The following PDE4D variants were observed in gnomAD, a reference collection of about 807,000 sequenced individuals.
PDE4D encodes the protein phosphodiesterase 4D.
PDE4D carries 24 observed loss-of-function variants against 87.4 expected under a neutral mutation model. The ratio of observed to expected loss-of-function variants is 0.27; its 90% CI spans 0.20 to 0.39. PDE4D has a LOEUF of 0.39. PDE4D is among the 10% of genes least tolerant of loss of function. The pLI is 1.00. For synonymous variants in PDE4D, 384 were observed against 383.2 expected (o/e 1.00, Z -0.02); for missense variants, 714 against 1,041.0 (o/e 0.69, Z 4.32).
At chr5:58,988,009 T>C (rs551747386) in intron 11 of PDE4D, among the ~76,000 whole-genome samples, 14 of 152,226 alleles carry the variant, frequency 9.2e-5, no homozygotes, top group African/African-American at 3.1e-4. Flanking sequence ...AACCAAATGG[T>C]TGAAAAAATA....
intron 1 of PDE4D, among the ~76,000 whole-genome samples, chr5:59,439,357 CAAA>C (rs3061710): frequency 6.9e-5 from 5 of 72,572 alleles, no homozygotes; most frequent in Admixed American, 1.6e-4. Context: ...AAGACTCTGT[CAAA>C]AAAAAAAAAA....
At chr5:59,565,967 T>TG (rs2153693512) in intron 1 of PDE4D, among the ~76,000 whole-genome samples, 1 of 152,268 alleles carries the variant, frequency 6.6e-6, no homozygotes, top group South Asian at 2.1e-4. Flanking sequence ...GGAGTGCTTT[T>TG]GCTAATGCCA....
intron 1 of PDE4D, among the ~76,000 whole-genome samples, chr5:60,316,854 G>C (rs1755657563): frequency 6.6e-6 from 1 of 152,184 alleles, no homozygotes; most frequent in African/African-American, 2.4e-5. Context: ...GATCATGGTG[G>C]ATAAGCTTTT....
intron 1 of PDE4D, among the ~76,000 whole-genome samples, chr5:59,514,121 T>C (rs1268956058): frequency 6.6e-6 from 1 of 151,810 alleles, no homozygotes; most frequent in African/African-American, 2.4e-5. Flanking sequence ...TTTTTTTTTT[T>C]TTGAGACAGA....
chr5:59,215,874 G>T lies in PDE4D; in HGVS notation c.550C>A (p.His184Asn), dbSNP rs1751149721. ...AGGAAGGACTCCCGTCGTTGACTGT[G>T]GACAAAATTTGCTTGGAGAATTAGC... ...SGLILQANFV[H>N]SQRRESFLYR... is the part of the protein sequence containing the mutation. Residue 184 changes from histidine to asparagine, a missense_variant, in exon 2 of 15, where the codon CAC becomes AAC. His to Asn is a moderately conservative substitution (Grantham distance 68, BLOSUM62 1). Coordinates refer to ENST00000340635, the MANE Select transcript of PDE4D (RefSeq NM_001104631.2). 3 of 1,613,576 alleles carry T rather than the reference G, an allele frequency of 1.9e-6. No individual in the cohort carries two copies. In the East Asian group the frequency reaches 6.7e-5, roughly 36 times the overall value.
chr5:59,279,800 T>A (rs72765990), intron 1 of PDE4D, among the ~76,000 whole-genome samples: 12,250 of 146,938 alleles, frequency 0.083, 648 homozygotes, highest in Middle Eastern at 0.13. Context: ...TGTATGTATG[T>A]GTATGTGTGT....
intron 3 of PDE4D, among the ~76,000 whole-genome samples, chr5:59,900,074 T>A (rs1195682259): frequency 6.6e-6 from 1 of 151,902 alleles, no homozygotes. Flanking sequence ...ACCCTGTCTC[T>A]ACTAAAAATA....
Position 59,074,925 on chromosome 5 carries a change from C to T in PDE4D, c.809-35954G>A, listed in dbSNP as rs138682120. Among the ~76,000 whole-genome samples, 160 of 152,118 alleles carry T rather than the reference C, an allele frequency of 1.1e-3. 2 individuals carry two copies. Among genetic ancestry groups the T allele is most frequent in the African/African-American group, 3.5e-3 (145 of 41,488 alleles). On this transcript the variant is annotated intron_variant, in intron 5 of 14. Transcript: ENST00000340635. Reference sequence around the variant, plus strand: ...CACTTTTTATTATATCATATAGTTCCTTACTTCTCACTATTAATAGAGATT... The same window carrying T: ...CACTTTTTATTATATCATATAGTTCTTTACTTCTCACTATTAATAGAGATT...
chr5:60,336,813 G>A (rs190811527), intron 1 of PDE4D, among the ~76,000 whole-genome samples: 1 of 152,258 alleles, frequency 6.6e-6, no homozygotes, highest in East Asian at 1.9e-4. Flanking sequence ...ATCCAGTGGG[G>A]TTGGGTTGGG....
chr5:59,829,744 T>C (rs921502074), intron 1 of PDE4D, among the ~76,000 whole-genome samples: 3 of 152,072 alleles, frequency 2.0e-5, no homozygotes, highest in African/African-American at 7.2e-5. Flanking sequence ...TGATCCCTTA[T>C]TGCTCAATTT....
intron 1 of PDE4D, chr5:59,275,379 T>C (rs950929341): frequency 3.8e-6 from 6 of 1,597,058 alleles, no homozygotes; most frequent in Non-Finnish European, 5.1e-6. Flanking sequence ...TAGATCGGGA[T>C]CTTGGCTTCA....
chr5:60,423,712 G>C (rs1032796923), intron 1 of PDE4D, among the ~76,000 whole-genome samples: 4 of 150,120 alleles, frequency 2.7e-5, no homozygotes, highest in Non-Finnish European at 5.9e-5. Context: ...AACTGAAGGA[G>C]ATAGAGACAC....
intron 1 of PDE4D, among the ~76,000 whole-genome samples, chr5:59,772,297 C>T (rs1475429836): frequency 6.6e-6 from 1 of 152,172 alleles, no homozygotes; most frequent in Non-Finnish European, 1.5e-5. Context: ...TTAAAATTAG[C>T]TGCCAGGAAC....
intron 1 of PDE4D, among the ~76,000 whole-genome samples, chr5:59,337,720 C>T (rs1461610744): frequency 6.6e-6 from 1 of 152,188 alleles, no homozygotes; most frequent in Non-Finnish European, 1.5e-5. Context: ...GATGCCTCTC[C>T]TGGGTGAACT....
chr5:59,492,350 C>T (rs897288010), intron 1 of PDE4D, among the ~76,000 whole-genome samples: 1 of 152,150 alleles, frequency 6.6e-6, no homozygotes, highest in East Asian at 1.9e-4. Flanking sequence ...ATAAGAAATG[C>T]TGTCTGATTA....
At position 59,644,476 on chromosome 5, in the gene PDE4D, G is replaced by T. The variant is rs781471858; in HGVS notation, c.455+248692C>A. On this transcript the variant is annotated intron_variant, in intron 1 of 14. Transcript: ENST00000340635. ...AATCTGGTATTACAGTATGTGGGCT[G>T]CAAATATAACAAAATTAGTGCCTCT... Among the ~76,000 whole-genome samples the T allele has an allele frequency of 4.6e-5, 7 of 152,136 alleles. 1 individual carries two copies. Among genetic ancestry groups the T allele is most frequent in the African/African-American group, 7.2e-5 (3 of 41,432 alleles).
At chr5:59,349,946 A>G (rs953812000) in intron 1 of PDE4D, among the ~76,000 whole-genome samples, 3 of 152,000 alleles carry the variant, frequency 2.0e-5, no homozygotes, top group African/African-American at 4.8e-5. Context: ...TCCCCTCTCT[A>G]TCTCTGTTTC....
intron 2 of PDE4D, among the ~76,000 whole-genome samples, chr5:60,161,044 A>T (rs915197363): frequency 6.6e-6 from 1 of 152,216 alleles, no homozygotes; most frequent in African/African-American, 2.4e-5. Flanking sequence ...TGTCAGATAA[A>T]TTAATTGACA....
intron 1 of PDE4D, among the ~76,000 whole-genome samples, chr5:60,243,278 C>A (rs1747340894): frequency 6.6e-6 from 1 of 151,826 alleles, no homozygotes; most frequent in Admixed American, 6.6e-5. Context: ...AGGAACAAAT[C>A]CAAACCCTGA....
Sources: gnomAD v4.1 joint callset for allele counts (sites outside exome capture counted in the v4.1 genomes callset) on GRCh38, gnomAD v4.1.1 for gene constraint, MANE v1.5 for transcripts, NCBI Gene and HGNC (gene_info 2026-07-23, HGNC 2026-07-21) for gene names.